The following KY variants were observed in gnomAD, a reference collection of about 807,000 sequenced individuals.
KY encodes the protein kyphoscoliosis peptidase.
A neutral mutation model predicts 76.1 loss-of-function variants in KY; 43 were observed. The ratio of observed to expected loss-of-function variants is 0.57; its 90% confidence interval spans 0.44 to 0.73. KY has a LOEUF of 0.73. KY is among the 30% of genes least tolerant of loss of function. The probability of loss-of-function intolerance (pLI) is 0.00; values close to 1 mark genes in which losing one functional copy is unlikely to be tolerated. For synonymous variants in KY, 277 were observed against 326.2 expected, an observed-to-expected ratio of 0.85 and a Z score of 1.63; for missense variants, 722 against 828.9, an observed-to-expected ratio of 0.87 and a Z score of 1.58.
intron 8 of KY, among the ~76,000 whole-genome samples, chr3:134,615,640 G>A (rs1241591194): frequency 6.6e-6 from 1 of 150,508 alleles, no homozygotes; most frequent in Non-Finnish European, 1.5e-5. Context: ...ATCTTTGTGA[G>A]TGCCATCCTT....
intron 9 of KY, among the ~76,000 whole-genome samples, chr3:134,609,868 CTG>C (rs1397805806): frequency 1.3e-5 from 2 of 152,252 alleles, no homozygotes; most frequent in African/African-American, 4.8e-5. Flanking sequence ...GGAAGGGAAC[CTG>C]CCAACAACTA....
Position 134,603,829 on chromosome 3 carries a change from T to C in KY, c.1736A>G (p.Asn579Ser). Reference sequence around the variant, plus strand: ...ACCTGACAGAGGTTCCAGCAGCTCATTGTCCTGTCCCCAGTTGCCAAAGCT... The same window carrying C: ...ACCTGACAGAGGTTCCAGCAGCTCACTGTCCTGTCCCCAGTTGCCAAAGCT... The part of the protein sequence containing the change: ...PESFGNWGQD[N>S]ELLEPLSGVL... The change falls in exon 11 of 11, where the codon AAT (asparagine) becomes AGT (serine). Residue 579 changes from asparagine (N) to serine (S), a missense_variant. Coordinates refer to ENST00000423778, the MANE Select transcript of KY (RefSeq NM_178554.6). 1 of 1,613,990 alleles carries C rather than the reference T, an allele frequency of 6.2e-7. No individual in the cohort carries two copies. The highest frequency in any genetic ancestry group is 8.5e-7 in the Non-Finnish European group (1 of 1,179,878).
At position 134,608,844 on chromosome 3, in the gene KY, A is replaced by G; in HGVS notation, c.900-5T>C. ...AGGAAGTAGAACTCATTGTAGCTGG[A>G]GCAGAGACAAGCTGGTTAGCAGCCA... On this transcript the variant is annotated splice_polypyrimidine_tract_variant and splice_region_variant and intron_variant, in intron 9 of 10. Transcript: ENST00000423778. 2.5e-6 allele frequency: 4 copies of G among 1,602,790 alleles called. No homozygotes were observed. The highest frequency in any genetic ancestry group is 2.2e-5 in the East Asian group (1 of 44,714).
Position 134,625,119 on chromosome 3 carries a change from T to A in KY, c.417A>T (p.Arg139=). ...GKDAHAYPWD[R]SSLKSMSLDL... is the part of the protein sequence containing the mutation. ...CCAGGGACATGGATTTCAGGCTAGA[T>A]CGATCCCAGGGGTAGGCTGGAAACA... Residue 139 remains arginine, a synonymous_variant, in exon 6 of 11, where the codon CGA becomes CGT. Transcript: ENST00000423778. The A allele has an allele frequency of 6.3e-7, 1 of 1,599,842 alleles. No individual in the cohort carries two copies. The highest frequency in any genetic ancestry group is 1.1e-5 in the South Asian group (1 of 88,120).
intron 10 of KY, among the ~76,000 whole-genome samples, chr3:134,606,363 T>G (rs1959201729): frequency 1.3e-5 from 2 of 152,136 alleles, no homozygotes; most frequent in African/African-American, 4.8e-5. Context: ...GCCTCGCCAG[T>G]ATCAAGCACT....
chr3:134,641,909 C>T (rs1340302816), intron 3 of KY, among the ~76,000 whole-genome samples: 1 of 152,196 alleles, frequency 6.6e-6, no homozygotes, highest in Non-Finnish European at 1.5e-5. Context: ...CTAATCCACT[C>T]TCATTATAGC....
At chr3:134,638,950 G>A (rs563953716) in intron 3 of KY, among the ~76,000 whole-genome samples, 1 of 152,038 alleles carries the variant, frequency 6.6e-6, no homozygotes, top group South Asian at 2.1e-4. Context: ...GGGTGTATAT[G>A]TGTGTGGAGG....
intron 6 of KY, 144 bp from the exon 7 acceptor site, chr3:134,621,001 G>A (rs934520035): frequency 4.0e-5 from 25 of 624,404 alleles, no homozygotes; most frequent in Admixed American, 1.5e-4. Flanking sequence ...GCTGGCTGAG[G>A]ACAAATTGGG....
chr3:134,612,169 G>A (rs1026589048), intron 8 of KY, among the ~76,000 whole-genome samples: 79 of 152,198 alleles, frequency 5.2e-4, no homozygotes, highest in Admixed American at 3.3e-4. Flanking sequence ...TTCACAAAAG[G>A]AGGTTCAGGC....
At chr3:134,626,976 C>T (rs1963541519) in intron 5 of KY, among the ~76,000 whole-genome samples, 1 of 152,192 alleles carries the variant, frequency 6.6e-6, no homozygotes, top group African/African-American at 2.4e-5. Context: ...ACTCACACAT[C>T]GAACAGATTT....
chr3:134,610,950 G>A (rs1039339918), intron 8 of KY, among the ~76,000 whole-genome samples: 3 of 152,312 alleles, frequency 2.0e-5, no homozygotes, highest in East Asian at 3.9e-4. Flanking sequence ...TCCTCCCAAG[G>A]ATGCCTGCAG....
intron 6 of KY, among the ~76,000 whole-genome samples, chr3:134,621,535 T>C (rs907101058): frequency 6.6e-6 from 1 of 152,152 alleles, no homozygotes; most frequent in African/African-American, 2.4e-5. Flanking sequence ...TAAACTTGGA[T>C]CTCTACCTCA....
At chr3:134,643,514 C>A in intron 2 of KY, 136 bp from the exon 3 acceptor site, 2 of 665,786 alleles carry the variant, frequency 3.0e-6, no homozygotes, top group Non-Finnish European at 5.3e-6. Context: ...TGTGTGCACA[C>A]CCTCACAGTG....
In KY at chr3:134,620,791, C is replaced by T; in HGVS notation, c.550G>A (p.Glu184Lys). Residue 184 changes from glutamate (E) to lysine (K), a missense_variant, in exon 7 of 11, where the codon GAA becomes AAA. Physicochemically the swap from Glu to Lys is moderately conservative, Grantham distance 56 (BLOSUM62 1). This residue lies in a region of KY where 552 missense variants were observed against 680.9 expected (regional missense o/e 0.81). Transcript: ENST00000423778. ...DLLQEAHTDL[E>K]RVRAIWIWIC... ...CAGATCCAGATGGCGCGGACCCTTT[C>T]CAGGTCAGTGTGGGCCTCCTGGAGC... is the stretch of plus-strand genomic sequence containing the variant. The T allele has an allele frequency of 6.2e-7, 1 of 1,613,716 alleles. No individual in the cohort carries two copies. The highest frequency in any genetic ancestry group is 8.5e-7 in the Non-Finnish European group (1 of 1,179,772).
At chr3:134,619,312 G>A (rs762949138) in intron 7 of KY, 47 bp from the exon 8 acceptor site, 29 of 1,422,686 alleles carry the variant, frequency 2.0e-5, no homozygotes, top group South Asian at 8.0e-5. Context: ...CCTGGGAGGC[G>A]AGAAGACTCC....
At chr3:134,640,519 C>T (rs768057046) in intron 3 of KY, among the ~76,000 whole-genome samples, 4 of 152,082 alleles carry the variant, frequency 2.6e-5, no homozygotes, top group African/African-American at 4.8e-5. Flanking sequence ...CTCTGGTCAA[C>T]GCTATTACTG....
intron 5 of KY, 57 bp downstream of exon 5, chr3:134,627,699 A>C (rs185532583): frequency 1.3e-6 from 2 of 1,493,948 alleles, no homozygotes; most frequent in East Asian, 2.3e-5. Context: ...AGATTAGTCT[A>C]TGAGGCTAAA....
intron 8 of KY, chr3:134,613,272 T>C (rs1960865081): frequency 6.5e-6 from 1 of 153,794 alleles, no homozygotes; most frequent in Non-Finnish European, 1.5e-5. Context: ...AGAATGGGTA[T>C]GGAATGTCCT....
At chr3:134,605,643 C>T (rs1009429722) in intron 10 of KY, among the ~76,000 whole-genome samples, 11 of 152,244 alleles carry the variant, frequency 7.2e-5, no homozygotes, top group South Asian at 2.1e-4. Flanking sequence ...CTGCCCACTC[C>T]GCACCTGCCC....
Sources: gnomAD v4.1 joint callset for allele counts (sites outside exome capture counted in the v4.1 genomes callset) on GRCh38, gnomAD v4.1.1 for gene constraint, gnomAD v4.1.1 regional missense constraint, MANE v1.5 for transcripts, NCBI Gene and HGNC (gene_info 2026-07-23, HGNC 2026-07-21) for gene names.